THSD4: variants seen among roughly 807,000 people sequenced by gnomAD.
THSD4 encodes thrombospondin type 1 domain containing 4.
A neutral mutation model predicts 119.0 loss-of-function variants in THSD4; 69 were observed. That is an observed-to-expected ratio of 0.58 (90% CI 0.48 to 0.71). The LOEUF is 0.71. Among genes scored for constraint, THSD4 ranks in the 30% least tolerant of loss-of-function variants. The pLI is 0.00. For synonymous variants in THSD4, 524 were observed against 540.4 expected, an observed-to-expected ratio of 0.97 and a Z score of 0.42; for missense variants, 1,393 against 1,391.1, an observed-to-expected ratio of 1.00 and a Z score of -0.02.
At chr15:71,614,467 C>T (rs554452665) in intron 7 of THSD4, among the ~76,000 whole-genome samples, 12 of 152,194 alleles carry the variant, frequency 7.9e-5, no homozygotes, top group Admixed American at 3.9e-4. Flanking sequence ...CTTCTGTGTG[C>T]AACGTTTCCA....
chr15:71,716,727 C>G (rs1595886445), intron 8 of THSD4, among the ~76,000 whole-genome samples: 1 of 152,122 alleles, frequency 6.6e-6, no homozygotes, highest in Non-Finnish European at 1.5e-5. Flanking sequence ...CATCCTCCTA[C>G]CCGACTTCCA....
chr15:71,501,164 G>T (rs981719175), intron 7 of THSD4, among the ~76,000 whole-genome samples: 2 of 152,102 alleles, frequency 1.3e-5, no homozygotes, highest in African/African-American at 4.8e-5. Context: ...TAAGATTGTT[G>T]TTGGTGATGA....
At chr15:71,224,481 C>T (rs1203315037) in intron 4 of THSD4, among the ~76,000 whole-genome samples, 1 of 152,200 alleles carries the variant, frequency 6.6e-6, no homozygotes, top group Non-Finnish European at 1.5e-5. Flanking sequence ...TCTGTCAATC[C>T]AAGAAGCCGG....
rs2040350229 is a variant in THSD4, at chr15:71,115,503, C to T, written c.-275C>T. 6.6e-6 allele frequency: 1 copy of T among 151,888 alleles called. No homozygotes were observed. The allele number at this position is 151,888 out of a possible 1,614,324, so 9.4% of individuals were successfully genotyped here. A position where few individuals can be genotyped will look rare whatever the true frequency, so the allele number is the denominator to read the frequency against. ...CTGAGCCAGAGCTCTCCGCGCGCGCCTGAACCGCTGGCCGCCCGCGCAGCC... is the reference window on the plus strand; with the variant it reads ...CTGAGCCAGAGCTCTCCGCGCGCGCTTGAACCGCTGGCCGCCCGCGCAGCC... On this transcript the variant is annotated 5_prime_UTR_variant, in exon 1 of 18. Transcript: ENST00000261862. This position sits in a 1 kb window ranked among gnomAD's most constrained non-coding sequence, Gnocchi z 4.4.
intron 6 of THSD4, among the ~76,000 whole-genome samples, chr15:71,329,375 GGAAA>G (rs748952025): frequency 3.9e-5 from 6 of 152,148 alleles, no homozygotes; most frequent in Non-Finnish European, 7.4e-5. Context: ...TTCAGCCTGA[GGAAA>G]GTTCAAGTTG....
At chr15:71,166,456 C>T (rs2043295383) in intron 3 of THSD4, among the ~76,000 whole-genome samples, 1 of 152,222 alleles carries the variant, frequency 6.6e-6, no homozygotes, top group South Asian at 2.1e-4. Context: ...TAACTGTCCA[C>T]ACTGGTTTCT....
rs146985343 is a variant in THSD4, at chr15:71,421,355, G to A, written c.1152+9532G>A. Among the ~76,000 whole-genome samples, 773 of 151,772 alleles carry A rather than the reference G, an allele frequency of 5.1e-3. 37 individuals are homozygous for A. Among genetic ancestry groups the A allele is most frequent in the African/African-American group, 0.018 (750 of 41,338 alleles). On this transcript the variant is annotated intron_variant, in intron 7 of 17. Transcript: ENST00000261862. ...TAGTATTTCTTGTAGGATAGGGCTT[G>A]TGTTGATAAAATCCCTTAGCTTTTG...
rs149202088 is a variant in THSD4, at chr15:71,752,862, G to A, written c.2415+4268G>A. On this transcript the variant is annotated intron_variant, in intron 14 of 17. Transcript: ENST00000261862. ...AGGTTCAGCCCCTGGAATGACCAGCGGATGGCAGTCTTCCACTTTTGAATA... is the reference window on the plus strand; with the variant it reads ...AGGTTCAGCCCCTGGAATGACCAGCAGATGGCAGTCTTCCACTTTTGAATA... Among the ~76,000 whole-genome samples, 1,134 of 152,308 alleles carry A rather than the reference G, an allele frequency of 7.4e-3. 8 individuals are homozygous for A. Among genetic ancestry groups the A allele is most frequent in the Non-Finnish European group, 0.01 (711 of 68,026 alleles).
At chr15:71,671,258 G>A (rs1159877949) in intron 8 of THSD4, among the ~76,000 whole-genome samples, 1 of 152,170 alleles carries the variant, frequency 6.6e-6, no homozygotes, top group East Asian at 1.9e-4. Flanking sequence ...TTTTTCATGT[G>A]TCTGTTGGCT....
At chr15:71,126,444 G>GC (rs1431297466) in intron 1 of THSD4, among the ~76,000 whole-genome samples, 1 of 152,200 alleles carries the variant, frequency 6.6e-6, no homozygotes, top group African/African-American at 2.4e-5. Flanking sequence ...CATGTTGGGG[G>GC]CCCCCTTCCT....
intron 6 of THSD4, among the ~76,000 whole-genome samples, chr15:71,316,464 T>C (rs1359483377): frequency 6.6e-6 from 1 of 152,206 alleles, no homozygotes; most frequent in Admixed American, 6.5e-5. Context: ...TTTTGTGGAA[T>C]TGGTAGGCCA....
At chr15:71,464,571 G>T (rs1032501645) in intron 7 of THSD4, among the ~76,000 whole-genome samples, 4 of 152,088 alleles carry the variant, frequency 2.6e-5, no homozygotes, top group African/African-American at 9.7e-5. Context: ...CAATTTTCTT[G>T]CCCTGAGTTT....
intron 1 of THSD4, among the ~76,000 whole-genome samples, chr15:71,098,189 CTTTTTTTTTT>C (rs55726832): frequency 8.4e-5 from 7 of 83,258 alleles, no homozygotes; most frequent in African/African-American, 4.4e-4. Context: ...AATTCTTTCA[CTTTTTTTTTT>C]TTTTTTTTTT....
rs1187390564 is a variant in THSD4, at chr15:71,547,505, C to T, written c.1153-113025C>T. ...AGGTAAGCCAAATAAAATATCTTGT[C>T]AGAAGTTGTATTTTTTTTCAGCATT... On this transcript the variant is annotated intron_variant, in intron 7 of 17. Transcript: ENST00000261862. 35 of 1,548,644 alleles carry T rather than the reference C, an allele frequency of 2.3e-5. No homozygotes were observed. The East Asian group carries it at 8.3e-4, about 37-fold the overall frequency.
At chr15:71,144,143 T>C (rs991869089) in intron 2 of THSD4, among the ~76,000 whole-genome samples, 1 of 152,166 alleles carries the variant, frequency 6.6e-6, no homozygotes, top group Non-Finnish European at 1.5e-5. Flanking sequence ...AGAATTCTGC[T>C]GTCAATACTA....
intron 8 of THSD4, among the ~76,000 whole-genome samples, chr15:71,714,414 T>C (rs2052568474): frequency 6.6e-6 from 1 of 152,176 alleles, no homozygotes; most frequent in Non-Finnish European, 1.5e-5. Flanking sequence ...GGTGGACTTT[T>C]AGGATAGGTT....
chr15:71,476,082 A>G (rs1000482475), intron 7 of THSD4, among the ~76,000 whole-genome samples: 6 of 152,182 alleles, frequency 3.9e-5, no homozygotes, highest in Admixed American at 3.9e-4. Context: ...GGATTAAATC[A>G]TAGTGTTTTG....
intron 6 of THSD4, among the ~76,000 whole-genome samples, chr15:71,281,537 T>C (rs1235757034): frequency 6.6e-6 from 1 of 152,262 alleles, no homozygotes; most frequent in East Asian, 1.9e-4. Flanking sequence ...ACAAAACAGA[T>C]AAATTATTGA....
intron 6 of THSD4, among the ~76,000 whole-genome samples, chr15:71,375,230 G>A (rs1240448519): frequency 6.6e-6 from 1 of 152,184 alleles, no homozygotes; most frequent in Admixed American, 6.5e-5. Flanking sequence ...GAGAGATGAG[G>A]CAGAGTATGT....
Sources: gnomAD v4.1 joint callset for allele counts (sites outside exome capture counted in the v4.1 genomes callset) on GRCh38, gnomAD v4.1.1 for gene constraint, Gnocchi (gnomAD v3.1) non-coding constraint, MANE v1.5 for transcripts, NCBI Gene and HGNC (gene_info 2026-07-23, HGNC 2026-07-21) for gene names.